STT3B: variants seen among roughly 807,000 people sequenced by gnomAD.
STT3B encodes the protein dolichyl-diphosphooligosaccharide--protein glycosyltransferase subunit STT3B.
In STT3B, 29 loss-of-function variants were observed where a neutral mutation model predicts 96.8. The observed-to-expected ratio is 0.30, with a 90% CI of 0.22 to 0.41. The LOEUF (loss-of-function observed/expected upper bound fraction) is 0.41, where lower values mean the gene tolerates loss of function less well. Among genes scored for constraint, STT3B ranks in the 10% least tolerant of loss-of-function variants. The probability of loss-of-function intolerance (pLI) is 1.00; values close to 1 mark genes in which losing one functional copy is unlikely to be tolerated. For synonymous variants in STT3B, 367 were observed against 360.0 expected (o/e 1.02, Z -0.22); for missense variants, 640 against 1,022.3 (o/e 0.63, Z 5.10).
chr3:31,601,337 G>T (rs951075044), intron 5 of STT3B, among the ~76,000 whole-genome samples: 1 of 152,046 alleles, frequency 6.6e-6, no homozygotes, highest in Non-Finnish European at 1.5e-5. Context: ...ATAAAATATG[G>T]TATATTCATA....
chr3:31,561,868 G>C (rs1281031621), intron 1 of STT3B, among the ~76,000 whole-genome samples: 1 of 152,110 alleles, frequency 6.6e-6, no homozygotes, highest in Admixed American at 6.5e-5. Context: ...GTGTGGTAGT[G>C]TGTAGTCTCC....
intron 1 of STT3B, among the ~76,000 whole-genome samples, chr3:31,570,084 C>A (rs1553603853): frequency 6.6e-6 from 1 of 152,036 alleles, no homozygotes; most frequent in Non-Finnish European, 1.5e-5. Context: ...CTATAACACT[C>A]TCCTTTCAGC....
chr3:31,632,627 A>G (rs1487448677), intron 14 of STT3B, among the ~76,000 whole-genome samples: 3 of 151,042 alleles, frequency 2.0e-5, no homozygotes, highest in Admixed American at 6.6e-5. Flanking sequence ...CTGTATACCT[A>G]TAAAAAGGGC....
rs148410515 is a variant in STT3B, at chr3:31,544,711, C to G, written c.314+11399C>G. Among the ~76,000 whole-genome samples, 624 of 152,288 alleles carry G rather than the reference C, an allele frequency of 4.1e-3. 8 individuals carry two copies. The highest frequency in any genetic ancestry group is 0.029 in the East Asian group (148 of 5,184). ...GGGCGCGGTGGCTTATGCCTATAATCCCAGCACTTGGGAGGCCGAGATAGG... is the reference window on the plus strand; with the variant it reads ...GGGCGCGGTGGCTTATGCCTATAATGCCAGCACTTGGGAGGCCGAGATAGG... On this transcript the variant is annotated intron_variant, in intron 1 of 15. Transcript: ENST00000295770.
intron 3 of STT3B, among the ~76,000 whole-genome samples, chr3:31,582,407 G>C (rs560002886): frequency 1.9e-4 from 28 of 150,600 alleles, no homozygotes; most frequent in African/African-American, 6.8e-4. Context: ...GCGATTCTCT[G>C]CCTCAGCCTC....
intron 1 of STT3B, among the ~76,000 whole-genome samples, chr3:31,568,946 G>A (rs74780512): frequency 0.053 from 8,067 of 152,170 alleles, 729 homozygotes; most frequent in African/African-American, 0.18. Context: ...AGTATTTACT[G>A]GATACACCTA....
chr3:31,576,629 A>C, intron 2 of STT3B, 125 bp downstream of exon 2: 1 of 506,022 alleles, frequency 2.0e-6, no homozygotes, highest in Non-Finnish European at 3.4e-6. Flanking sequence ...TCTGTGGCTT[A>C]TTATCCAGTA....
At chr3:31,551,993 G>A (rs1307798260) in intron 1 of STT3B, among the ~76,000 whole-genome samples, 2 of 152,104 alleles carry the variant, frequency 1.3e-5, no homozygotes, top group African/African-American at 4.8e-5. Context: ...GCCTGAGTGA[G>A]CTTGGAAGCA....
At chr3:31,632,599 C>T (rs1029624492) in intron 14 of STT3B, among the ~76,000 whole-genome samples, 6 of 151,540 alleles carry the variant, frequency 4.0e-5, no homozygotes, top group African/African-American at 1.2e-4. Context: ...GAAAAGAAGC[C>T]CCTTGGGTGT....
At chr3:31,568,101 A>G (rs1156464363) in intron 1 of STT3B, among the ~76,000 whole-genome samples, 4 of 152,112 alleles carry the variant, frequency 2.6e-5, no homozygotes, top group African/African-American at 7.2e-5. Flanking sequence ...GAGATATAAC[A>G]TGTAAAATTC....
intron 1 of STT3B, among the ~76,000 whole-genome samples, chr3:31,541,464 C>CTTTTTTTTTTT (rs1318453174): frequency 2.5e-5 from 3 of 118,634 alleles, no homozygotes; most frequent in Non-Finnish European, 3.6e-5. Flanking sequence ...CTTTTTTTTT[C>CTTTTTTTTTTT]TTTTTTTGTT....
At chr3:31,562,791 G>A (rs1424967604) in intron 1 of STT3B, among the ~76,000 whole-genome samples, 1 of 152,172 alleles carries the variant, frequency 6.6e-6, no homozygotes, top group Non-Finnish European at 1.5e-5. Context: ...CCTTGTAGTG[G>A]CCCTGGCAGC....
At chr3:31,625,644 G>GC (rs1259590561) in intron 12 of STT3B, among the ~76,000 whole-genome samples, 6 of 152,190 alleles carry the variant, frequency 3.9e-5, no homozygotes, top group Non-Finnish European at 7.4e-5. Flanking sequence ...GCCAGCCCTG[G>GC]CCTGCGGTTG....
At chr3:31,562,915 C>T (rs1697915356) in intron 1 of STT3B, among the ~76,000 whole-genome samples, 1 of 152,144 alleles carries the variant, frequency 6.6e-6, no homozygotes, top group Non-Finnish European at 1.5e-5. Context: ...AGTGCTTTCG[C>T]GTGGACTTCA....
chr3:31,576,764 A>C (rs1698274488), intron 2 of STT3B, among the ~76,000 whole-genome samples: 1 of 152,106 alleles, frequency 6.6e-6, no homozygotes, highest in Non-Finnish European at 1.5e-5. Context: ...CTGCTGTCAC[A>C]GTGTATCTGA....
At chr3:31,552,989 C>G (rs1697603050) in intron 1 of STT3B, among the ~76,000 whole-genome samples, 1 of 151,286 alleles carries the variant, frequency 6.6e-6, no homozygotes, top group African/African-American at 2.4e-5. Context: ...GTAGTCCCAG[C>G]TACACGGGAG....
At chr3:31,552,939 T>C (rs1229082320) in intron 1 of STT3B, among the ~76,000 whole-genome samples, 1 of 151,766 alleles carries the variant, frequency 6.6e-6, no homozygotes. Flanking sequence ...CCGTCTCTAC[T>C]AAAAATACAA....
chr3:31,586,099 A>C (rs1040396243), intron 3 of STT3B, among the ~76,000 whole-genome samples: 1 of 152,066 alleles, frequency 6.6e-6, no homozygotes, highest in African/African-American at 2.4e-5. Flanking sequence ...TATTTACTCT[A>C]CTTTTCCATC....
At position 31,575,466 on chromosome 3, in the gene STT3B, T is replaced by G. The variant is rs541772192; in HGVS notation, c.315-930T>G. Among the ~76,000 whole-genome samples, 599 of 150,926 alleles carry G rather than the reference T, an allele frequency of 4.0e-3. 4 individuals are homozygous for G. Among genetic ancestry groups the G allele is most frequent in the African/African-American group, 0.013 (539 of 40,890 alleles). On this transcript the variant is annotated intron_variant, in intron 1 of 15. Coordinates refer to ENST00000295770, the MANE Select transcript of STT3B (RefSeq NM_178862.3). ...GCTTTTGTCAAATGCTTGATTTTTT[T>G]GGGGGGGGGATATGTTGCTTATTTT... is the stretch of plus-strand genomic sequence containing the variant.
Sources: allele counts gnomAD v4.1 joint callset (sites outside exome capture counted in the v4.1 genomes callset), GRCh38; gene constraint gnomAD v4.1.1; transcripts MANE v1.5; gene names NCBI Gene and HGNC (gene_info 2026-07-23, HGNC 2026-07-21).